Variants in RPSA2 observed in about 807,000 individuals in gnomAD.
The protein encoded by RPSA2 is small ribosomal subunit protein uS2B.
At chr19:23,790,847 G>T in the RPSA2 span, 1 of 529,568 alleles carries the variant, frequency 1.9e-6, no homozygotes, top group Admixed American at 3.0e-5. Flanking sequence ...GCTGTGGTGG[G>T]ACTCAGGCCT....
chr19:23,785,855 C>T, the RPSA2 span, among the ~76,000 whole-genome samples: 5 of 152,160 alleles, frequency 3.3e-5, no homozygotes, highest in African/African-American at 1.2e-4. Context: ...TTAAGATCCT[C>T]GGTCTCCTTT....
chr19:23,859,764 C>G, the RPSA2 span, among the ~76,000 whole-genome samples: 1 of 152,180 alleles, frequency 6.6e-6, no homozygotes, highest in East Asian at 1.9e-4. Flanking sequence ...TTACACATAT[C>G]TCCATTCAGC....
the RPSA2 span, among the ~76,000 whole-genome samples, chr19:23,851,936 C>G: frequency 1.3e-5 from 2 of 152,166 alleles, no homozygotes; most frequent in African/African-American, 4.8e-5. Flanking sequence ...TTTAAATGAA[C>G]CACAATTAAA....
At chr19:23,775,111 A>G in the RPSA2 span, among the ~76,000 whole-genome samples, 1 of 152,198 alleles carries the variant, frequency 6.6e-6, no homozygotes, top group Non-Finnish European at 1.5e-5. Context: ...ACTCTCACAT[A>G]TTGTATGAAG....
At chr19:23,867,163 A>G in the RPSA2 span, among the ~76,000 whole-genome samples, 2 of 152,090 alleles carry the variant, frequency 1.3e-5, no homozygotes, top group African/African-American at 2.4e-5. Flanking sequence ...AAAAAAATGT[A>G]TGGGCTTATG....
chr19:23,860,430 A>T, the RPSA2 span, among the ~76,000 whole-genome samples: 1 of 152,178 alleles, frequency 6.6e-6, no homozygotes, highest in Admixed American at 6.5e-5. Context: ...CACATGTGAG[A>T]GTATCACCTT....
chr19:23,864,574 T>C, the RPSA2 span, among the ~76,000 whole-genome samples: 7 of 152,262 alleles, frequency 4.6e-5, no homozygotes, highest in East Asian at 1.9e-4. Context: ...TCCAGGACTC[T>C]CCATAATAAG....
At chr19:23,852,196 G>A in the RPSA2 span, among the ~76,000 whole-genome samples, 2 of 152,322 alleles carry the variant, frequency 1.3e-5, no homozygotes, top group Non-Finnish European at 1.5e-5. Flanking sequence ...AAAGTTCTGG[G>A]ACTGTGGAGA....
chr19:23,847,208 C>CT, the RPSA2 span, among the ~76,000 whole-genome samples: 1,095 of 144,170 alleles, frequency 7.6e-3, 11 homozygotes, highest in African/African-American at 0.026. Context: ...ATTTTTGTTT[C>CT]TTTTTTTTTT....
the RPSA2 span, among the ~76,000 whole-genome samples, chr19:23,850,882 G>A: frequency 3.3e-5 from 5 of 152,278 alleles, no homozygotes; most frequent in Admixed American, 6.5e-5. Flanking sequence ...TGTTTAGACT[G>A]TTTGGACAAT....
the RPSA2 span, among the ~76,000 whole-genome samples, chr19:23,781,048 C>G: frequency 6.6e-6 from 1 of 152,212 alleles, no homozygotes; most frequent in Non-Finnish European, 1.5e-5. Context: ...GATCTCGGCT[C>G]ACTGCAACCT....
the RPSA2 span, among the ~76,000 whole-genome samples, chr19:23,816,860 G>A: frequency 1.3e-5 from 2 of 152,048 alleles, no homozygotes; most frequent in African/African-American, 4.8e-5. Flanking sequence ...ACTATCATGA[G>A]ACTAGTACAG....
chr19:23,781,506 T>C, the RPSA2 span, among the ~76,000 whole-genome samples: 1 of 151,336 alleles, frequency 6.6e-6, no homozygotes, highest in East Asian at 2.0e-4. Flanking sequence ...ACAGGCTAAT[T>C]TTTTGTATTT....
At chr19:23,848,331 G>C in the RPSA2 span, among the ~76,000 whole-genome samples, 53 of 152,190 alleles carry the variant, frequency 3.5e-4, no homozygotes, top group African/African-American at 1.1e-3. Flanking sequence ...ATGAAGGCTT[G>C]TTCATTCTCT....
At chr19:23,760,358 G>T in the RPSA2 span, among the ~76,000 whole-genome samples, 4 of 151,988 alleles carry the variant, frequency 2.6e-5, no homozygotes, top group African/African-American at 9.7e-5. Context: ...GGGTGTATTT[G>T]TATAGGCTTT....
At chr19:23,868,878 C>T in the RPSA2 span, among the ~76,000 whole-genome samples, 2 of 152,112 alleles carry the variant, frequency 1.3e-5, no homozygotes, top group African/African-American at 4.8e-5. Context: ...CCAGCTGAGC[C>T]TGAGTGCAAA....
chr19:23,852,326 C>T, the RPSA2 span, among the ~76,000 whole-genome samples: 449 of 122,598 alleles, frequency 3.7e-3, 1 homozygote, highest in Middle Eastern at 7.8e-3. Flanking sequence ...CCTAACCCAG[C>T]GGCGCTAGAG....
At chr19:23,791,548 A>G in the RPSA2 span, among the ~76,000 whole-genome samples, 7 of 152,062 alleles carry the variant, frequency 4.6e-5, no homozygotes, top group Non-Finnish European at 8.8e-5. Context: ...TGAATTTTTC[A>G]CATGTGTGCC....
chr19:23,842,503 C>T, the RPSA2 span: 1 of 148,744 alleles, frequency 6.7e-6, no homozygotes, highest in Non-Finnish European at 1.5e-5. Context: ...ATTAACAATT[C>T]TGCCCATGAC....
Sources: allele counts gnomAD v4.1 joint callset (sites outside exome capture counted in the v4.1 genomes callset), GRCh38; gene constraint gnomAD v4.1.1; transcripts MANE v1.5; gene names NCBI Gene and HGNC (gene_info 2026-07-23, HGNC 2026-07-21).